WDFY2: variants seen among roughly 807,000 people sequenced by gnomAD.
WDFY2 encodes the protein WD repeat and FYVE domain-containing protein 2.
In WDFY2, 36 loss-of-function variants were observed where a neutral mutation model predicts 56.4. The observed-to-expected ratio is 0.64, with a 90% confidence interval of 0.49 to 0.84. The LOEUF (loss-of-function observed/expected upper bound fraction) is 0.84, where lower values mean the gene tolerates loss of function less well. Among genes scored for constraint, WDFY2 ranks in the 40% least tolerant of loss-of-function variants. The pLI, the probability that WDFY2 is intolerant of heterozygous loss-of-function variation, is 0.00. For missense variants in WDFY2, 444 were observed against 512.2 expected (o/e 0.87, Z 1.29); for synonymous variants, 176 against 183.7 (o/e 0.96, Z 0.34).
intron 4 of WDFY2, among the ~76,000 whole-genome samples, chr13:51,717,716 A>G (rs1321505420): frequency 6.6e-6 from 1 of 152,158 alleles, no homozygotes; most frequent in African/African-American, 2.4e-5. Context: ...TTTCTCCAAG[A>G]AGTCACATCT....
chr13:51,727,226 T>C (rs1952622884), intron 5 of WDFY2, among the ~76,000 whole-genome samples: 1 of 152,214 alleles, frequency 6.6e-6, no homozygotes, highest in Non-Finnish European at 1.5e-5. Context: ...TTCTCGACTT[T>C]GTATTCTGTT....
intron 1 of WDFY2, among the ~76,000 whole-genome samples, chr13:51,603,603 CT>C (rs1475170494): frequency 1.3e-5 from 2 of 152,102 alleles, no homozygotes; most frequent in Non-Finnish European, 2.9e-5. Context: ...AAATCATAGA[CT>C]TTTTCTTGGG....
chr13:51,654,692 T>A (rs1342453983), intron 1 of WDFY2, among the ~76,000 whole-genome samples: 11 of 152,354 alleles, frequency 7.2e-5, no homozygotes, highest in East Asian at 1.9e-4. Context: ...AATTAAAACT[T>A]ACTTCTAAGG....
chr13:51,595,749 A>T (rs550157645), intron 1 of WDFY2, among the ~76,000 whole-genome samples: 4 of 152,338 alleles, frequency 2.6e-5, no homozygotes, highest in African/African-American at 9.6e-5. Context: ...AAAAACTTAG[A>T]TGTGGGCCAA....
intron 8 of WDFY2, among the ~76,000 whole-genome samples, chr13:51,751,977 A>G (rs978836690): frequency 6.6e-6 from 1 of 152,202 alleles, no homozygotes; most frequent in African/African-American, 2.4e-5. Context: ...AACAACAAAT[A>G]TGTTTCCTGC....
At chr13:51,669,814 T>C (rs1955776020) in intron 2 of WDFY2, among the ~76,000 whole-genome samples, 1 of 152,244 alleles carries the variant, frequency 6.6e-6, no homozygotes, top group South Asian at 2.1e-4. Context: ...TGGCATCACC[T>C]TACACATTTC....
chr13:51,671,026 C>A (rs1007115262), intron 2 of WDFY2, among the ~76,000 whole-genome samples: 1 of 152,122 alleles, frequency 6.6e-6, no homozygotes, highest in Non-Finnish European at 1.5e-5. Context: ...CAATTCCATC[C>A]AGGTTGCTGT....
intron 1 of WDFY2, among the ~76,000 whole-genome samples, chr13:51,636,693 C>G (rs532531522): frequency 2.0e-5 from 3 of 152,196 alleles, no homozygotes; most frequent in Non-Finnish European, 4.4e-5. Flanking sequence ...TGCTCTTTGT[C>G]TTTGGATCAT....
rs1491398583 is a variant in WDFY2, at chr13:51,670,487, ATG to A, written c.206-4682_206-4681del. Among the ~76,000 whole-genome samples the A allele has an allele frequency of 5.9e-5, 7 of 118,558 alleles. No individual in the cohort carries two copies. The East Asian group carries it at 1.0e-3, about 17-fold the overall frequency. 77.8% of individuals were successfully genotyped at this position (118,558 alleles called of 152,430 possible). ...TGTACGTCTCACCTACTGTGCGCAC[ATG>A]CACACACACACACACACACACACAC... On this transcript the variant is annotated intron_variant, in intron 2 of 11. Coordinates refer to ENST00000298125, the MANE Select transcript of WDFY2 (RefSeq NM_052950.4).
At chr13:51,716,800 A>G (rs980022880) in intron 4 of WDFY2, among the ~76,000 whole-genome samples, 3 of 152,022 alleles carry the variant, frequency 2.0e-5, no homozygotes, top group Non-Finnish European at 4.4e-5. Flanking sequence ...AAAACTAGCA[A>G]ATTGACCCCA....
chr13:51,756,132 T>C (rs9526794), intron 9 of WDFY2, among the ~76,000 whole-genome samples, 200 bp from the exon 10 acceptor site: 19,042 of 151,954 alleles, frequency 0.13, 1,473 homozygotes, highest in South Asian at 0.22. Flanking sequence ...GTCAGGTGTG[T>C]TACCCAACAG....
Position 51,731,849 on chromosome 13 carries a change from C to A in WDFY2, c.598+4059C>A, listed in dbSNP as rs755083914. Among the ~76,000 whole-genome samples, 3 of 152,178 alleles carry A rather than the reference C, an allele frequency of 2.0e-5. No individual in the cohort carries two copies. The East Asian group carries it at 5.8e-4, about 29-fold the overall frequency. ...AGCAGACAGGTCTTCAGTATGTGTC[C>A]AGAGTCGTAGCCCTTCACCCCATCA... is the stretch of plus-strand genomic sequence containing the variant. On this transcript the variant is annotated intron_variant, in intron 6 of 11. Transcript: ENST00000298125.
Position 51,588,564 on chromosome 13 carries a change from T to A in WDFY2, c.137+3740T>A, listed in dbSNP as rs185550876. The A allele has an allele frequency of 1.3e-3, 194 of 152,136 alleles. 1 individual carries two copies. Among genetic ancestry groups the A allele is most frequent in the African/African-American group, 4.3e-3 (180 of 41,490 alleles). 9.4% of individuals were successfully genotyped at this position (152,136 alleles called of 1,614,324 possible). A position where few individuals can be genotyped will look rare whatever the true frequency, so the allele number is the denominator to read the frequency against. On this transcript the variant is annotated intron_variant, in intron 1 of 11. Transcript: ENST00000298125. ...TTGCCAATGAACCTCCTGCTTGTGG[T>A]GGTTAGAGAAGACCAACAATCTCTT...
intron 5 of WDFY2, among the ~76,000 whole-genome samples, chr13:51,723,743 G>T (rs1952541569): frequency 6.6e-6 from 1 of 152,220 alleles, no homozygotes; most frequent in South Asian, 2.1e-4. Context: ...TTGATTGGCA[G>T]TTCGGGTGGT....
intron 3 of WDFY2, among the ~76,000 whole-genome samples, chr13:51,686,832 G>A (rs1956069312): frequency 6.6e-6 from 1 of 151,890 alleles, no homozygotes. Flanking sequence ...ATTAGGAAAA[G>A]TAATAGCTTA....
chr13:51,636,051 T>C (rs1955043544), intron 1 of WDFY2, among the ~76,000 whole-genome samples: 2 of 152,220 alleles, frequency 1.3e-5, no homozygotes, highest in South Asian at 4.1e-4. Context: ...ATCATCTTTT[T>C]TTTCAACATG....
At chr13:51,597,994 A>G (rs753902076) in intron 1 of WDFY2, among the ~76,000 whole-genome samples, 1 of 152,214 alleles carries the variant, frequency 6.6e-6, no homozygotes, top group South Asian at 2.1e-4. Context: ...CACAAGGTCT[A>G]ATATATATGC....
At chr13:51,753,918 C>T (rs1953297771) in intron 8 of WDFY2, among the ~76,000 whole-genome samples, 1 of 150,448 alleles carries the variant, frequency 6.6e-6, no homozygotes, top group South Asian at 2.1e-4. Flanking sequence ...AACCCTGTCT[C>T]TACTAACAAT....
intron 1 of WDFY2, among the ~76,000 whole-genome samples, chr13:51,636,300 C>G (rs991077346): frequency 6.6e-6 from 1 of 152,164 alleles, no homozygotes; most frequent in Non-Finnish European, 1.5e-5. Flanking sequence ...AAAAATTCCT[C>G]ATTTTACAAT....
Sources: gnomAD v4.1 joint callset for allele counts (sites outside exome capture counted in the v4.1 genomes callset) on GRCh38, gnomAD v4.1.1 for gene constraint, MANE v1.5 for transcripts, NCBI Gene and HGNC (gene_info 2026-07-23, HGNC 2026-07-21) for gene names.